The following FAM120A variants were observed in gnomAD, a reference collection of about 807,000 sequenced individuals.
FAM120A encodes the protein family with sequence similarity 120 member A.
A neutral mutation model predicts 109.7 loss-of-function variants in FAM120A; 15 were observed. That is an observed-to-expected ratio of 0.14 (90% confidence interval 0.09 to 0.21). The LOEUF is 0.21. Among genes scored for constraint, FAM120A ranks in the 10% least tolerant of loss-of-function variants. FAM120A has a pLI of 1.00. For synonymous variants in FAM120A, 493 were observed against 572.8 expected, an observed-to-expected ratio of 0.86 and a Z score of 1.99; for missense variants, 899 against 1,439.3, an observed-to-expected ratio of 0.62 and a Z score of 6.07.
At chr9:93,508,271 A>G (rs957273818) in intron 5 of FAM120A, among the ~76,000 whole-genome samples, 5 of 152,196 alleles carry the variant, frequency 3.3e-5, no homozygotes, top group African/African-American at 1.2e-4. Flanking sequence ...CAAAGAACAG[A>G]TGCTACACAG....
intron 10 of FAM120A, among the ~76,000 whole-genome samples, chr9:93,541,253 C>T (rs1227873938): frequency 6.6e-6 from 1 of 152,104 alleles, no homozygotes; most frequent in Non-Finnish European, 1.5e-5. Flanking sequence ...GCTCCCCTTG[C>T]CTGTTTTCTC....
At chr9:93,563,861 G>C (rs917560038) in intron 17 of FAM120A, among the ~76,000 whole-genome samples, 1 of 152,246 alleles carries the variant, frequency 6.6e-6, no homozygotes, top group Non-Finnish European at 1.5e-5. Context: ...GCAGATGTGG[G>C]AGACCCTGTT....
intron 11 of FAM120A, 84 bp downstream of exon 11, chr9:93,543,555 G>A (rs1034237168): frequency 1.6e-5 from 24 of 1,489,112 alleles, no homozygotes; most frequent in Non-Finnish European, 2.1e-5. Context: ...GTTCTAGAAA[G>A]GATGTAAAGT....
intron 3 of FAM120A, among the ~76,000 whole-genome samples, chr9:93,490,671 G>GAATA (rs1248064592): frequency 1.3e-5 from 2 of 152,144 alleles, no homozygotes; most frequent in Non-Finnish European, 2.9e-5. Flanking sequence ...AGAAAACAGT[G>GAATA]AATAAATAAA....
intron 7 of FAM120A, among the ~76,000 whole-genome samples, chr9:93,525,585 T>C (rs769332495): frequency 5.3e-5 from 8 of 152,156 alleles, no homozygotes; most frequent in Non-Finnish European, 8.8e-5. Flanking sequence ...TAGGCCAGGA[T>C]TTAGTAATTT....
chr9:93,508,212 G>T (rs1860150811), intron 5 of FAM120A, among the ~76,000 whole-genome samples: 1 of 152,084 alleles, frequency 6.6e-6, no homozygotes, highest in Admixed American at 6.5e-5. Flanking sequence ...TGTCAGAGAA[G>T]AAATTTGCAA....
chr9:93,495,849 A>G (rs1212556402), intron 3 of FAM120A, among the ~76,000 whole-genome samples: 1 of 152,226 alleles, frequency 6.6e-6, no homozygotes, highest in Non-Finnish European at 1.5e-5. Context: ...CTGCAATGTT[A>G]TTTGATAGCA....
chr9:93,453,839 CA>C (rs1167613411), intron 1 of FAM120A, among the ~76,000 whole-genome samples: 3 of 152,186 alleles, frequency 2.0e-5, no homozygotes, highest in Non-Finnish European at 2.9e-5. Context: ...TAAAAGTGTT[CA>C]TAGTTTAGTC....
intron 3 of FAM120A, among the ~76,000 whole-genome samples, chr9:93,477,232 G>A (rs969233460): frequency 1.1e-4 from 17 of 152,114 alleles, no homozygotes; most frequent in Non-Finnish European, 1.8e-4. Flanking sequence ...TCAAATGGGA[G>A]TTTTTCTTCC....
At chr9:93,523,430 G>T in intron 7 of FAM120A, 1 of 683,204 alleles carries the variant, frequency 1.5e-6, no homozygotes, top group Admixed American at 3.3e-5. Context: ...AGATTGTTAT[G>T]CTCTTGTTCC....
chr9:93,472,870 G>A (rs2131264806), intron 2 of FAM120A, among the ~76,000 whole-genome samples: 1 of 152,280 alleles, frequency 6.6e-6, no homozygotes, highest in East Asian at 1.9e-4. Context: ...TCAATAAGTT[G>A]TAGGATGTAT....
intron 3 of FAM120A, among the ~76,000 whole-genome samples, chr9:93,480,940 A>G (rs983864281): frequency 9.2e-5 from 14 of 152,300 alleles, no homozygotes; most frequent in African/African-American, 3.1e-4. Context: ...CATGAGAGAA[A>G]TGGAAGGCGT....
At chr9:93,530,929 A>G (rs1415631449) in intron 9 of FAM120A, 1 of 152,226 alleles carries the variant, frequency 6.6e-6, no homozygotes, top group Non-Finnish European at 1.5e-5. Context: ...GGTTAGATCT[A>G]TATGAGGGTT....
chr9:93,495,249 A>T (rs550372906), intron 3 of FAM120A, among the ~76,000 whole-genome samples: 1 of 152,362 alleles, frequency 6.6e-6, no homozygotes, highest in South Asian at 2.1e-4. Context: ...GATGTGTGAG[A>T]ATTAATACAG....
chr9:93,543,607 A>G (rs1248886996), intron 11 of FAM120A, 136 bp downstream of exon 11: 1 of 1,150,602 alleles, frequency 8.7e-7, no homozygotes, highest in East Asian at 2.6e-5. Flanking sequence ...GTCATCCCAT[A>G]TTTATATATG....
chr9:93,550,721 G>A lies in FAM120A; in HGVS notation c.2274+30G>A, dbSNP rs144810954. 133 of 1,562,016 alleles carry A rather than the reference G, an allele frequency of 8.5e-5. No homozygotes were observed. The African/African-American group carries it at 1.4e-3, about 17-fold the overall frequency. ...TTTATCAGCCTCATTGCATTGTCTT[G>A]GACAGTCTCACTTTGGATTTTGGTG... is the stretch of plus-strand genomic sequence containing the variant. On this transcript the variant is annotated intron_variant, in intron 12 of 17. Coordinates refer to ENST00000277165, the MANE Select transcript of FAM120A (RefSeq NM_014612.5).
chr9:93,561,775 A>C, intron 16 of FAM120A, among the ~76,000 whole-genome samples: 1 of 152,028 alleles, frequency 6.6e-6, no homozygotes, highest in Middle Eastern at 3.4e-3. Context: ...AATAATTAAC[A>C]ATTATTAAAT....
At chr9:93,548,175 G>A (rs559512222) in intron 11 of FAM120A, among the ~76,000 whole-genome samples, 2 of 152,074 alleles carry the variant, frequency 1.3e-5, no homozygotes, top group East Asian at 1.9e-4. Context: ...GTGCCATCTC[G>A]GCTCACTTCA....
intron 13 of FAM120A, 126 bp from the exon 14 acceptor site, chr9:93,557,701 A>G (rs1554786907): frequency 2.1e-6 from 2 of 933,146 alleles, no homozygotes; most frequent in Non-Finnish European, 3.1e-6. Flanking sequence ...GAATTTGCAG[A>G]CATAGAATTC....
Sources: allele counts gnomAD v4.1 joint callset (sites outside exome capture counted in the v4.1 genomes callset), GRCh38; gene constraint gnomAD v4.1.1; transcripts MANE v1.5; gene names NCBI Gene and HGNC (gene_info 2026-07-23, HGNC 2026-07-21).